Variants in MOV10L1 observed in about 807,000 individuals in gnomAD.
MOV10L1 encodes the protein Mov10 like RNA helicase 1, also known as RNA helicase Mov10l1.
A neutral mutation model predicts 143.8 loss-of-function variants in MOV10L1; 110 were observed. The ratio of observed to expected loss-of-function variants is 0.76; its 90% CI spans 0.66 to 0.90. The LOEUF (loss-of-function observed/expected upper bound fraction) is 0.90. MOV10L1 is among the 40% of genes least tolerant of loss of function. The probability of loss-of-function intolerance (pLI) is 0.00; values close to 1 mark genes in which losing one functional copy is unlikely to be tolerated. For synonymous variants in MOV10L1, 593 were observed against 581.1 expected (o/e 1.02, Z -0.29); for missense variants, 1,406 against 1,526.8 (o/e 0.92, Z 1.32).
chr22:50,146,160 CT>C (rs1053640656), intron 19 of MOV10L1, among the ~76,000 whole-genome samples: 8 of 117,984 alleles, frequency 6.8e-5, no homozygotes, highest in Non-Finnish European at 1.1e-4. Flanking sequence ...GCCTGGCGGG[CT>C]GTGGAGGGGC....
intron 22 of MOV10L1, among the ~76,000 whole-genome samples, chr22:50,155,263 GTTTT>G (rs199534596): frequency 7.3e-6 from 1 of 137,854 alleles, no homozygotes; most frequent in Non-Finnish European, 1.6e-5. Flanking sequence ...TGTTTTGTGG[GTTTT>G]TTTTTTTTTT....
chr22:50,114,087 T>A (rs536511626), intron 6 of MOV10L1, among the ~76,000 whole-genome samples: 1 of 150,402 alleles, frequency 6.6e-6, no homozygotes, highest in South Asian at 2.1e-4. Flanking sequence ...CCCGGCTAAT[T>A]TTTTGTATTT....
chr22:50,094,021 G>C (rs1247385088), intron 2 of MOV10L1: 1 of 152,204 alleles, frequency 6.6e-6, no homozygotes, highest in Non-Finnish European at 1.5e-5. Context: ...CCCATGGCAT[G>C]GTTGCTGTGA....
At chr22:50,092,715 T>C (rs948377351) in intron 2 of MOV10L1, 2 of 153,204 alleles carry the variant, frequency 1.3e-5, no homozygotes, top group African/African-American at 4.8e-5. Flanking sequence ...AAAGTTTGCC[T>C]ATGAATTTAT....
chr22:50,126,640 A>G (rs1383813859), intron 12 of MOV10L1, among the ~76,000 whole-genome samples: 1 of 152,116 alleles, frequency 6.6e-6, no homozygotes, highest in Non-Finnish European at 1.5e-5. Context: ...TTTGGCTTTG[A>G]GTAGATCCTG....
intron 15 of MOV10L1, among the ~76,000 whole-genome samples, chr22:50,137,319 A>G (rs555435916): frequency 6.6e-6 from 1 of 152,366 alleles, no homozygotes; most frequent in African/African-American, 2.4e-5. Flanking sequence ...CGAAAGATAT[A>G]TAAAAGACAA....
At chr22:50,098,219 TATTAAG>T (rs1239592929) in intron 2 of MOV10L1, among the ~76,000 whole-genome samples, 1 of 69,688 alleles carries the variant, frequency 1.4e-5, no homozygotes, top group Non-Finnish European at 3.1e-5. Context: ...AATAATTAAG[TATTAAG>T]ATTAACATCT....
At chr22:50,129,918 G>T (rs2062623141) in intron 13 of MOV10L1, among the ~76,000 whole-genome samples, 1 of 152,064 alleles carries the variant, frequency 6.6e-6, no homozygotes, top group Non-Finnish European at 1.5e-5. Context: ...AGTCCTTTCT[G>T]TATTCCTTAT....
At chr22:50,156,805 A>G (rs893617517) in intron 22 of MOV10L1, among the ~76,000 whole-genome samples, 5 of 152,164 alleles carry the variant, frequency 3.3e-5, no homozygotes, top group South Asian at 2.1e-4. Flanking sequence ...ACATTTGACT[A>G]TTGTAAGTAG....
chr22:50,128,968 A>T (rs1162518713), intron 13 of MOV10L1, among the ~76,000 whole-genome samples: 1 of 151,410 alleles, frequency 6.6e-6, no homozygotes, highest in Non-Finnish European at 1.5e-5. Context: ...TGCCCAGTTA[A>T]TTTGTCTCTT....
At chr22:50,131,077 T>C (rs2062662193) in intron 13 of MOV10L1, among the ~76,000 whole-genome samples, 1 of 150,146 alleles carries the variant, frequency 6.7e-6, no homozygotes, top group Admixed American at 6.6e-5. Context: ...TTTTTTTTTT[T>C]TTTTTGTATT....
intron 2 of MOV10L1, chr22:50,095,064 C>A (rs756784605): frequency 9.2e-5 from 14 of 152,198 alleles, no homozygotes; most frequent in Non-Finnish European, 1.9e-4. Flanking sequence ...AGTGTTTCCT[C>A]AGTTTCCCTG....
At position 50,090,046 on chromosome 22, in the gene MOV10L1, C is replaced by G. The variant is rs1291176771; in HGVS notation, c.-43C>G. The stretch of plus-strand genomic sequence containing the variant: ...CGGGAGCGGCGCGGGCGCGTGCGGG[C>G]GGCGGCAGCGGCGGTGACGGCAGCC... On this transcript the variant is annotated 5_prime_UTR_variant, in exon 1 of 27. Transcript: ENST00000262794. 8.3e-7 allele frequency: 1 copy of G among 1,198,248 alleles called. No individual in the cohort carries two copies. The highest frequency in any genetic ancestry group is 3.7e-5 in the East Asian group (1 of 27,186). 74.2% of individuals were successfully genotyped at this position (1,198,248 alleles called of 1,614,324 possible).
intron 3 of MOV10L1, among the ~76,000 whole-genome samples, chr22:50,106,483 G>C (rs1001058966): frequency 8.6e-5 from 13 of 151,548 alleles, no homozygotes; most frequent in African/African-American, 2.9e-4. Flanking sequence ...AAAATTAATT[G>C]AATTTAACTT....
In MOV10L1 at chr22:50,110,775, C is replaced by CA. The variant is rs1210134133; in HGVS notation, c.743+1937dup. On this transcript the variant is annotated intron_variant, in intron 5 of 26. Coordinates refer to ENST00000262794, the MANE Select transcript of MOV10L1 (RefSeq NM_018995.3). ...GTGAAACCCCATCTCTACTAAAATA[C>CA]AAAAAATTAGCCAGGCGTGGCAGCG... 2.0e-5 allele frequency among the ~76,000 whole-genome samples: 3 copies of CA among 151,864 alleles called. No homozygotes were observed. The East Asian group carries it at 5.8e-4, about 29-fold the overall frequency.
chr22:50,131,759 G>C (rs1359205807), intron 13 of MOV10L1, among the ~76,000 whole-genome samples: 1 of 150,454 alleles, frequency 6.6e-6, no homozygotes, highest in Non-Finnish European at 1.5e-5. Context: ...CCAAATATTT[G>C]TTGATCTGTT....
In MOV10L1 at chr22:50,099,576, A is replaced by C; in HGVS notation, c.416A>C (p.Tyr139Ser). 6.2e-7 allele frequency: 1 copy of C among 1,613,704 alleles called. No homozygotes were observed. The highest frequency in any genetic ancestry group is 8.5e-7 in the Non-Finnish European group (1 of 1,179,676). ...GCAGGCTGTATCAGTCAGACCACCT[A>C]CTTCTCTCTGGAGAGTGTGTGCGAA... ...EGAGCISQTT[Y>S]FSLESVCEGF... Residue 139 changes from tyrosine (Y) to serine (S), a missense_variant, in exon 3 of 27, where the codon TAC (tyrosine) becomes TCC (serine). Tyr to Ser is a moderately radical substitution (Grantham distance 144). This residue lies in a region of MOV10L1 where 1,233 missense variants were observed against 1,351.4 expected (regional missense o/e 0.91). Transcript: ENST00000262794.
chr22:50,143,126 A>G lies in MOV10L1; in HGVS notation c.2263A>G (p.Arg755Gly). 1 of 1,614,204 alleles carries G rather than the reference A, an allele frequency of 6.2e-7. No homozygotes were observed. Among genetic ancestry groups the G allele is most frequent in the Non-Finnish European group, 8.5e-7 (1 of 1,179,998 alleles). Reference sequence around the variant, plus strand: ...TGAAAATCAGAAGTTAGCAGTTAAAAGGATTCTGAGTGGTGACTGCCGTCC... The same window carrying G: ...TGAAAATCAGAAGTTAGCAGTTAAAGGGATTCTGAGTGGTGACTGCCGTCC... The part of the protein sequence containing the change: ...LNENQKLAVK[R>G]ILSGDCRPLP... Residue 755 changes from arginine (R) to glycine (G), a missense_variant, in exon 17 of 27, where the codon AGG (arginine) becomes GGG (glycine). Coordinates refer to ENST00000262794, the MANE Select transcript of MOV10L1 (RefSeq NM_018995.3).
rs2062336500 is a variant in MOV10L1 at position 50,121,313 on chromosome 22, T to TA, written c.1569+704dup. Among the ~76,000 whole-genome samples the TA allele has an allele frequency of 2.6e-5, 4 of 152,072 alleles. No individual in the cohort carries two copies. In the South Asian group the frequency reaches 8.3e-4, roughly 32 times the overall value. ...TCCTTTCCAAATACACCTCCTTGTTTAAAAAAATGTCCTTGTTTTACCAGG... is the reference window on the plus strand; with the variant it reads ...TCCTTTCCAAATACACCTCCTTGTTTAAAAAAAATGTCCTTGTTTTACCAGG... On this transcript the variant is annotated intron_variant, in intron 10 of 26. Transcript: ENST00000262794.
Sources: gnomAD v4.1 joint callset for allele counts (sites outside exome capture counted in the v4.1 genomes callset) on GRCh38, gnomAD v4.1.1 for gene constraint, gnomAD v4.1.1 regional missense constraint, MANE v1.5 for transcripts, NCBI Gene and HGNC (gene_info 2026-07-23, HGNC 2026-07-21) for gene names.